Variants in RPIA observed in about 807,000 individuals in gnomAD.
The protein encoded by RPIA is ribose 5-phosphate isomerase A.
RPIA carries 29 observed loss-of-function variants against 37.8 expected under a neutral mutation model. The ratio of observed to expected loss-of-function variants is 0.77; its 90% CI spans 0.57 to 1.05. RPIA has a LOEUF of 1.05. Ranked by LOEUF, RPIA falls within the 50% of genes least tolerant of loss-of-function variation. The pLI, the probability that RPIA is intolerant of heterozygous loss-of-function variation, is 0.00. For missense variants in RPIA, 385 were observed against 413.6 expected (o/e 0.93, Z 0.60); for synonymous variants, 167 against 157.0 (o/e 1.06, Z -0.48).
chr2:88,694,979 C>CAAA (rs61633535), intron 1 of RPIA, among the ~76,000 whole-genome samples: 1,866 of 119,056 alleles, frequency 0.016, 43 homozygotes, highest in African/African-American at 0.051. Context: ...AATAAAGTCT[C>CAAA]AAAAAAAAAA....
chr2:88,749,934 G>C (rs1673483726), intron 8 of RPIA, 47 bp from the exon 9 acceptor site: 1 of 1,404,424 alleles, frequency 7.1e-7, no homozygotes, highest in African/African-American at 1.4e-5. Context: ...GTCTCTTTTT[G>C]CTTTGGGAGG....
chr2:88,717,885 A>G lies in RPIA; in HGVS notation c.403-11393A>G, dbSNP rs534549095. Among the ~76,000 whole-genome samples the G allele has an allele frequency of 5.3e-5, 8 of 152,302 alleles. No individual in the cohort carries two copies. In the East Asian group the frequency reaches 1.3e-3, roughly 26 times the overall value. On this transcript the variant is annotated intron_variant, in intron 3 of 8. Transcript: ENST00000283646. ...GGAAGGGAGAAAAGCAACAACAAAC[A>G]AAAGAACAATCCTGGAAAATTGATA...
intron 3 of RPIA, among the ~76,000 whole-genome samples, chr2:88,702,318 T>G (rs1304734389): frequency 1.3e-5 from 2 of 152,246 alleles, no homozygotes; most frequent in African/African-American, 4.8e-5. Flanking sequence ...CCTCCCTTTC[T>G]AATGTAAGCA....
intron 3 of RPIA, among the ~76,000 whole-genome samples, chr2:88,723,990 C>T (rs994882132): frequency 6.6e-6 from 1 of 152,018 alleles, no homozygotes; most frequent in Non-Finnish European, 1.5e-5. Context: ...TTAGCCTTTC[C>T]AAAGGAGGCA....
chr2:88,727,219 C>T (rs1673210410), intron 3 of RPIA, among the ~76,000 whole-genome samples: 1 of 152,226 alleles, frequency 6.6e-6, no homozygotes, highest in African/African-American at 2.4e-5. Context: ...AGTGTCATAT[C>T]ATCACCTCCG....
intron 3 of RPIA, among the ~76,000 whole-genome samples, chr2:88,713,699 G>T (rs1465902734): frequency 6.6e-6 from 1 of 152,012 alleles, no homozygotes; most frequent in Non-Finnish European, 1.5e-5. Context: ...TCTTCCCTCT[G>T]TTTTTTCTGG....
At chr2:88,736,280 G>A (rs1050640055) in intron 6 of RPIA, among the ~76,000 whole-genome samples, 35 of 152,190 alleles carry the variant, frequency 2.3e-4, no homozygotes, top group Non-Finnish European at 4.6e-4. Flanking sequence ...ATAGCCACAG[G>A]ACGAGCATAA....
intron 8 of RPIA, among the ~76,000 whole-genome samples, chr2:88,745,329 C>T (rs1326673194): frequency 1.3e-5 from 2 of 152,118 alleles, no homozygotes; most frequent in African/African-American, 2.4e-5. Flanking sequence ...TAGTTGTCTC[C>T]TGGATACCTT....
intron 1 of RPIA, among the ~76,000 whole-genome samples, chr2:88,695,093 A>T (rs1287573726): frequency 6.6e-6 from 1 of 152,138 alleles, no homozygotes. Context: ...TAGAGAGAGC[A>T]TGGAAGCTCT....
chr2:88,746,442 C>T (rs1291316888), intron 8 of RPIA, among the ~76,000 whole-genome samples: 1 of 152,198 alleles, frequency 6.6e-6, no homozygotes, highest in Non-Finnish European at 1.5e-5. Context: ...ATTCTTTTGT[C>T]CAATGGGGTG....
chr2:88,727,393 T>A (rs1339245962), intron 3 of RPIA, among the ~76,000 whole-genome samples: 1 of 152,242 alleles, frequency 6.6e-6, no homozygotes, highest in Non-Finnish European at 1.5e-5. Flanking sequence ...TCTCTAATAC[T>A]ACTTTTACTT....
intron 3 of RPIA, among the ~76,000 whole-genome samples, chr2:88,725,376 A>C (rs918816313): frequency 6.6e-6 from 1 of 151,306 alleles, no homozygotes; most frequent in Non-Finnish European, 1.5e-5. Flanking sequence ...GTTGTCTCAG[A>C]GTTCTGGAGG....
chr2:88,693,924 G>T (rs1165022026), intron 1 of RPIA, among the ~76,000 whole-genome samples: 1 of 152,238 alleles, frequency 6.6e-6, no homozygotes, highest in Admixed American at 6.5e-5. Context: ...GCAGAACTAG[G>T]CTCTTCTGAA....
At chr2:88,719,939 T>C (rs1243293270) in intron 3 of RPIA, among the ~76,000 whole-genome samples, 3 of 152,186 alleles carry the variant, frequency 2.0e-5, no homozygotes, top group African/African-American at 7.2e-5. Flanking sequence ...ACTGAACTTA[T>C]TTTATCTCTC....
chr2:88,700,504 T>A (rs1282529765), intron 3 of RPIA, among the ~76,000 whole-genome samples: 1 of 152,008 alleles, frequency 6.6e-6, no homozygotes, highest in Non-Finnish European at 1.5e-5. Flanking sequence ...ATACAAAAAT[T>A]AGCTGGGTGT....
intron 3 of RPIA, among the ~76,000 whole-genome samples, chr2:88,704,320 A>G (rs774704049): frequency 4.6e-5 from 7 of 152,212 alleles, no homozygotes; most frequent in Non-Finnish European, 7.3e-5. Context: ...TACAAAAGAA[A>G]GAGGTTTAAT....
chr2:88,703,692 C>T (rs867674313), intron 3 of RPIA, among the ~76,000 whole-genome samples: 2 of 152,328 alleles, frequency 1.3e-5, no homozygotes, highest in Middle Eastern at 6.8e-3. Context: ...AGACCTCTGA[C>T]ATGCCCTGGT....
At chr2:88,717,771 T>C (rs1673054438) in intron 3 of RPIA, among the ~76,000 whole-genome samples, 1 of 152,250 alleles carries the variant, frequency 6.6e-6, no homozygotes, top group Non-Finnish European at 1.5e-5. Context: ...GGATTGTTTA[T>C]TCCTAGACAG....
At chr2:88,699,021 A>G (rs1352836348) in intron 2 of RPIA, among the ~76,000 whole-genome samples, 1 of 152,240 alleles carries the variant, frequency 6.6e-6, no homozygotes, top group Non-Finnish European at 1.5e-5. Context: ...GGAAAGACTC[A>G]GGAATTATCA....
Sources: gnomAD v4.1 joint callset for allele counts (sites outside exome capture counted in the v4.1 genomes callset) on GRCh38, gnomAD v4.1.1 for gene constraint, MANE v1.5 for transcripts, NCBI Gene and HGNC (gene_info 2026-07-23, HGNC 2026-07-21) for gene names.